Variants in USP4 observed in about 807,000 individuals in gnomAD.
The protein encoded by USP4 is ubiquitin specific peptidase 4.
USP4 carries 72 observed loss-of-function variants against 118.2 expected under a neutral mutation model. The observed-to-expected ratio is 0.61, with a 90% CI of 0.50 to 0.74. The LOEUF (loss-of-function observed/expected upper bound fraction) is 0.74. Ranked by LOEUF, USP4 falls within the 30% of genes least tolerant of loss-of-function variation. The pLI is 0.00. For missense variants in USP4, 1,037 were observed against 1,185.7 expected (o/e 0.87, Z 1.84); for synonymous variants, 415 against 440.4 (o/e 0.94, Z 0.72).
intron 8 of USP4, among the ~76,000 whole-genome samples, chr3:49,308,730 G>A (rs2047347707): frequency 6.6e-6 from 1 of 150,880 alleles, no homozygotes; most frequent in African/African-American, 2.4e-5. Flanking sequence ...TCAATGCCAG[G>A]AAATCACCAT....
At position 49,278,862 on chromosome 3, in the gene USP4, ATACCATT is replaced by A; in HGVS notation, c.2678_2684del (p.Lys893IlefsTer16). ...GGGACACGTTGCTATCATCAAAGTA[ATACCATT>A]TACCATTCAGTTTGTTCTTCGCATA... On this transcript the variant is annotated frameshift_variant, in exon 21 of 22. Transcript: ENST00000265560. LOFTEE classifies it high-confidence loss of function. 1 of 1,613,164 alleles carries A rather than the reference ATACCATT, an allele frequency of 6.2e-7. No homozygotes were observed. The highest frequency in any genetic ancestry group is 1.1e-5 in the South Asian group (1 of 90,848).
intron 15 of USP4, among the ~76,000 whole-genome samples, chr3:49,290,051 G>T (rs2047136538): frequency 1.3e-5 from 2 of 152,166 alleles, no homozygotes; most frequent in African/African-American, 4.8e-5. Context: ...GAGCCCAGGA[G>T]GTCAAGGCTG....
At chr3:49,312,294 G>T (rs2047391074) in intron 6 of USP4, 1 of 322,026 alleles carries the variant, frequency 3.1e-6, no homozygotes, top group Non-Finnish European at 6.2e-6. Flanking sequence ...ATGAGGTCAG[G>T]AGTTCAAGAC....
intron 8 of USP4, among the ~76,000 whole-genome samples, chr3:49,309,941 A>ATTTTTTTT (rs2047365541): frequency 5.8e-4 from 9 of 15,396 alleles, no homozygotes; most frequent in South Asian, 2.6e-3. Context: ...CTTTTTTTTA[A>ATTTTTTTT]TCTTTTTTTT....
chr3:49,309,454 C>T (rs552620236), intron 8 of USP4, among the ~76,000 whole-genome samples: 1 of 152,002 alleles, frequency 6.6e-6, no homozygotes, highest in South Asian at 2.1e-4. Flanking sequence ...GACAGGGTCT[C>T]GCTATGATGC....
In USP4 at chr3:49,302,474, G is replaced by A; in HGVS notation, c.1197C>T (p.Ala399=). The change falls in exon 10 of 22, where the codon GCC becomes GCT. Residue 399 remains alanine (A), a synonymous_variant. Transcript: ENST00000265560. ...CTTCATGCAATCCATCTAGAAGAAA[G>A]GCCAGCAGCTCCTGAGAATCTTGTT... ...YQQQDSQELL[A]FLLDGLHEDL... 1 of 1,614,176 alleles carries A rather than the reference G, an allele frequency of 6.2e-7. No homozygotes were observed. The highest frequency in any genetic ancestry group is 8.5e-7 in the Non-Finnish European group (1 of 1,180,018).
At position 49,302,088 on chromosome 3, in the gene USP4, C is replaced by T. The variant is rs148209292; in HGVS notation, c.1287+296G>A. Among the ~76,000 whole-genome samples, 700 of 151,696 alleles carry T rather than the reference C, an allele frequency of 4.6e-3. 7 individuals are homozygous for T. Among genetic ancestry groups the T allele is most frequent in the African/African-American group, 0.015 (630 of 41,302 alleles). Reference sequence around the variant, plus strand: ...GTAACTAGGGTACAGTGCCTCACGCCTGTTGTAATCCCAGCACTTTGGGAG... The same window carrying T: ...GTAACTAGGGTACAGTGCCTCACGCTTGTTGTAATCCCAGCACTTTGGGAG... On this transcript the variant is annotated intron_variant, in intron 10 of 21. Coordinates refer to ENST00000265560, the MANE Select transcript of USP4 (RefSeq NM_003363.4).
chr3:49,324,445 T>C (rs757250518), intron 6 of USP4, among the ~76,000 whole-genome samples: 10 of 152,204 alleles, frequency 6.6e-5, no homozygotes, highest in African/African-American at 9.6e-5. Flanking sequence ...ACTTGATCCC[T>C]CATATCCCTT....
chr3:49,288,228 G>A (rs922021302), intron 15 of USP4, among the ~76,000 whole-genome samples: 1 of 152,180 alleles, frequency 6.6e-6, no homozygotes, highest in Non-Finnish European at 1.5e-5. Flanking sequence ...GCCTCTCGGA[G>A]AAGGGCAGAA....
rs993901839 is a variant in USP4 at position 49,277,841 on chromosome 3, G to A, written c.*452C>T. 4.6e-5 allele frequency: 14 copies of A among 305,400 alleles called. No homozygotes were observed. The highest frequency in any genetic ancestry group is 5.0e-5 in the Admixed American group (1 of 20,030). The allele number at this position is 305,400 out of a possible 1,614,324, so 18.9% of individuals were successfully genotyped here. A position where few individuals can be genotyped will look rare whatever the true frequency, so the allele number is the denominator to read the frequency against. ...ATATCAGTGCACATAGCGAGGGAAA[G>A]GGGAGTTTACTTGAGGTTTGGGTTA... On this transcript the variant is annotated 3_prime_UTR_variant, in exon 22 of 22. Transcript: ENST00000265560.
At chr3:49,317,703 G>A (rs1183403404) in intron 6 of USP4, among the ~76,000 whole-genome samples, 7 of 150,218 alleles carry the variant, frequency 4.7e-5, no homozygotes, top group African/African-American at 1.7e-4. Flanking sequence ...CACCATGCCC[G>A]TGGTGTTTTT....
At chr3:49,307,454 AT>A (rs1415110805) in intron 8 of USP4, among the ~76,000 whole-genome samples, 4 of 151,616 alleles carry the variant, frequency 2.6e-5, no homozygotes, top group African/African-American at 4.8e-5. Flanking sequence ...TCTTTAAAAA[AT>A]TTTTTTTTAA....
intron 8 of USP4, among the ~76,000 whole-genome samples, chr3:49,309,380 T>C (rs2047356304): frequency 6.6e-6 from 1 of 152,160 alleles, no homozygotes; most frequent in African/African-American, 2.4e-5. Flanking sequence ...TGCTGTCACA[T>C]AATATATGCC....
At chr3:49,303,331 C>T (rs957943145) in intron 9 of USP4, among the ~76,000 whole-genome samples, 1 of 151,166 alleles carries the variant, frequency 6.6e-6, no homozygotes, top group Non-Finnish European at 1.5e-5. Context: ...ATCCCAGCTA[C>T]GCAGGAGGCT....
intron 8 of USP4, among the ~76,000 whole-genome samples, chr3:49,309,351 C>A (rs1479611410): frequency 6.6e-6 from 1 of 152,156 alleles, no homozygotes. Context: ...TAACTCCTTG[C>A]AGCCCATGAC....
intron 20 of USP4, among the ~76,000 whole-genome samples, chr3:49,280,332 C>A (rs151294560): frequency 2.6e-5 from 4 of 151,446 alleles, no homozygotes; most frequent in African/African-American, 4.9e-5. Context: ...GAGGCCGAGG[C>A]GGGCGGATCA....
chr3:49,280,687 G>C, intron 20 of USP4, 57 bp downstream of exon 20: 1 of 1,455,384 alleles, frequency 6.9e-7, no homozygotes, highest in Non-Finnish European at 9.6e-7. Context: ...CCACTGGTGA[G>C]AGATGATGGC....
chr3:49,322,463 G>A lies in USP4; in HGVS notation c.695+2239C>T, dbSNP rs184211666. ...TCTATTGGTTATATGCCTAACAACA[G>A]GATTGTTGAGTAGCAGAATGTGCAT... On this transcript the variant is annotated intron_variant, in intron 6 of 21. Coordinates refer to ENST00000265560, the MANE Select transcript of USP4 (RefSeq NM_003363.4). 4.0e-3 allele frequency among the ~76,000 whole-genome samples: 614 copies of A among 152,280 alleles called. 8 individuals carry two copies. The highest frequency in any genetic ancestry group is 5.5e-3 in the Non-Finnish European group (376 of 68,030).
chr3:49,337,884 A>C (rs1011742260), intron 1 of USP4, among the ~76,000 whole-genome samples: 14 of 151,796 alleles, frequency 9.2e-5, no homozygotes, highest in Non-Finnish European at 1.3e-4. Context: ...TGTCTCTACT[A>C]AAAATACAAA....
Sources: allele counts gnomAD v4.1 joint callset (sites outside exome capture counted in the v4.1 genomes callset), GRCh38; gene constraint gnomAD v4.1.1; transcripts MANE v1.5; gene names NCBI Gene and HGNC (gene_info 2026-07-23, HGNC 2026-07-21).